MAPDA: variants seen among roughly 807,000 people sequenced by gnomAD.
MAPDA encodes the protein N6-Methyl-AMP deaminase, also known as N6,N6-dimethyl-AMP deaminase.
chr15:43,346,048 G>C, the MAPDA span: 1 of 1,591,788 alleles, frequency 6.3e-7, no homozygotes. Flanking sequence ...GACTAGCTTC[G>C]GGCATCTTGC....
chr15:43,337,710 T>A, the MAPDA span, among the ~76,000 whole-genome samples: 1 of 152,238 alleles, frequency 6.6e-6, no homozygotes, highest in Non-Finnish European at 1.5e-5. Context: ...TAAAGACTGA[T>A]CTTCATGATA....
the MAPDA span, among the ~76,000 whole-genome samples, chr15:43,348,490 TTA>T: frequency 6.6e-6 from 1 of 152,244 alleles, no homozygotes; most frequent in Non-Finnish European, 1.5e-5. Flanking sequence ...AGTTTTGTGT[TTA>T]TAGTTTTTCA....
chr15:43,354,543 G>A, the MAPDA span: 2 of 151,950 alleles, frequency 1.3e-5, no homozygotes, highest in Admixed American at 6.6e-5. Context: ...CTATACAAAA[G>A]CTATTGAAGT....
the MAPDA span, chr15:43,346,974 C>T: frequency 6.5e-7 from 1 of 1,534,260 alleles, no homozygotes; most frequent in Non-Finnish European, 9.0e-7. Flanking sequence ...CTCAGTTTTC[C>T]CAGAATTCTC....
At chr15:43,349,439 T>G in the MAPDA span, 1 of 710,238 alleles carries the variant, frequency 1.4e-6, no homozygotes, top group Non-Finnish European at 1.8e-6. Context: ...CTGTTGATCA[T>G]TACACACTTG....
chr15:43,330,695 C>A, the MAPDA span: 1 of 490,252 alleles, frequency 2.0e-6, no homozygotes, highest in African/African-American at 2.0e-5. Flanking sequence ...AGTTCGCTTG[C>A]GGCTGACCTT....
the MAPDA span, among the ~76,000 whole-genome samples, chr15:43,347,812 G>C: frequency 2.0e-5 from 3 of 152,052 alleles, no homozygotes; most frequent in Non-Finnish European, 4.4e-5. Flanking sequence ...TTAAAGATTA[G>C]GGAAAAAAAT....
chr15:43,347,410 T>C, the MAPDA span, among the ~76,000 whole-genome samples: 3 of 152,042 alleles, frequency 2.0e-5, no homozygotes, highest in African/African-American at 7.2e-5. Context: ...AAGCTGACTC[T>C]AAGAAAAGCA....
chr15:43,334,633 T>TATATATATATATATA, the MAPDA span, among the ~76,000 whole-genome samples: 2 of 65,142 alleles, frequency 3.1e-5, no homozygotes, highest in Non-Finnish European at 9.3e-5. Context: ...CTCAAAAAAA[T>TATATATATATATATA]TATATATATA....
chr15:43,337,692 C>T, the MAPDA span, among the ~76,000 whole-genome samples: 11 of 152,142 alleles, frequency 7.2e-5, no homozygotes, highest in South Asian at 1.5e-3. Flanking sequence ...AAAAATTTTC[C>T]TCTTTGGTAA....
the MAPDA span, chr15:43,351,589 AAATC>A: frequency 1.6e-6 from 1 of 626,090 alleles, no homozygotes. Context: ...AAGTATAAAT[AAATC>A]TGTTTAGTTA....
At chr15:43,349,195 T>C in the MAPDA span, 1 of 1,438,626 alleles carries the variant, frequency 7.0e-7, no homozygotes, top group Non-Finnish European at 9.1e-7. Context: ...GAGCCTTATT[T>C]AAAACAGAAA....
the MAPDA span, among the ~76,000 whole-genome samples, chr15:43,350,091 G>A: frequency 2.0e-5 from 3 of 152,146 alleles, no homozygotes; most frequent in Admixed American, 1.3e-4. Flanking sequence ...GGGGGCGGGG[G>A]ACGGAGTCGC....
At chr15:43,352,122 AAG>A in the MAPDA span, 3 of 514,378 alleles carry the variant, frequency 5.8e-6, no homozygotes, top group Non-Finnish European at 9.8e-6. Flanking sequence ...ACTGACTCAC[AAG>A]CTCTCAGGTG....
the MAPDA span, among the ~76,000 whole-genome samples, chr15:43,346,291 C>T: frequency 3.3e-5 from 5 of 152,186 alleles, no homozygotes; most frequent in Admixed American, 6.5e-5. Context: ...TCATTACATA[C>T]AATGGATGGA....
chr15:43,354,495 T>C, the MAPDA span: 2 of 152,212 alleles, frequency 1.3e-5, no homozygotes, highest in African/African-American at 4.8e-5. Context: ...AATGAAAATA[T>C]GGTTATAAAG....
At chr15:43,352,142 G>C in the MAPDA span, 1 of 446,662 alleles carries the variant, frequency 2.2e-6, no homozygotes, top group South Asian at 7.4e-5. Context: ...GTGCTTACTG[G>C]GTGGGACTTG....
the MAPDA span, chr15:43,348,887 C>G: frequency 1.2e-6 from 2 of 1,611,290 alleles, no homozygotes; most frequent in Non-Finnish European, 1.7e-6. Context: ...CATTGATCCC[C>G]TTTCCTCCCC....
the MAPDA span, among the ~76,000 whole-genome samples, chr15:43,338,789 G>T: frequency 6.6e-6 from 1 of 152,214 alleles, no homozygotes; most frequent in Middle Eastern, 3.2e-3. Context: ...GTTCTTGGAT[G>T]TGGGTTAGGG....
Sources: gnomAD v4.1 joint callset for allele counts (sites outside exome capture counted in the v4.1 genomes callset) on GRCh38, gnomAD v4.1.1 for gene constraint, MANE v1.5 for transcripts, NCBI Gene and HGNC (gene_info 2026-07-23, HGNC 2026-07-21) for gene names.